FAM120B: variants seen among roughly 807,000 people sequenced by gnomAD.
FAM120B encodes family with sequence similarity 120 member B.
FAM120B carries 83 observed loss-of-function variants against 96.3 expected under a neutral mutation model. The ratio of observed to expected loss-of-function variants is 0.86; its 90% CI spans 0.72 to 1.03. The LOEUF is 1.03. Ranked by LOEUF, FAM120B falls within the 50% of genes least tolerant of loss-of-function variation. FAM120B has a pLI of 0.00. For missense variants in FAM120B, 1,027 were observed against 1,121.2 expected, an observed-to-expected ratio of 0.92 and a Z score of 1.20; for synonymous variants, 407 against 402.7, an observed-to-expected ratio of 1.01 and a Z score of -0.13.
At chr6:170,349,135 T>TG (rs1787413289) in intron 5 of FAM120B, among the ~76,000 whole-genome samples, 1 of 152,220 alleles carries the variant, frequency 6.6e-6, no homozygotes, top group African/African-American at 2.4e-5. Flanking sequence ...CCTCTTTCTC[T>TG]GCTTTGCTCC....
intron 4 of FAM120B, among the ~76,000 whole-genome samples, chr6:170,345,115 G>A (rs1056460912): frequency 1.3e-5 from 2 of 152,184 alleles, no homozygotes; most frequent in Admixed American, 1.3e-4. Context: ...GTGATTGGTT[G>A]GATGCTTGGG....
intron 4 of FAM120B, among the ~76,000 whole-genome samples, chr6:170,333,843 C>T (rs576908466): frequency 6.6e-6 from 1 of 152,298 alleles, no homozygotes; most frequent in East Asian, 1.9e-4. Context: ...ATATATACTA[C>T]ATTTCATTTC....
chr6:170,386,812 G>T (rs1300655117), intron 6 of FAM120B, among the ~76,000 whole-genome samples: 1 of 152,154 alleles, frequency 6.6e-6, no homozygotes, highest in Non-Finnish European at 1.5e-5. Flanking sequence ...AGAAATTTAG[G>T]CCATTCTGTT....
chr6:170,361,610 GT>G (rs1788464427), intron 6 of FAM120B, among the ~76,000 whole-genome samples: 1 of 152,036 alleles, frequency 6.6e-6, no homozygotes, highest in South Asian at 2.1e-4. Flanking sequence ...CCAGTTATGT[GT>G]TTGCCAGTTT....
At chr6:170,332,463 C>T (rs145073639) in intron 4 of FAM120B, among the ~76,000 whole-genome samples, 1 of 152,112 alleles carries the variant, frequency 6.6e-6, no homozygotes, top group Non-Finnish European at 1.5e-5. Context: ...TTTGGGAGGC[C>T]GTGGCAGATG....
upstream of FAM120B, among the ~76,000 whole-genome samples, chr6:170,304,448 C>G (rs1784209664): frequency 6.6e-6 from 1 of 152,188 alleles, no homozygotes; most frequent in Non-Finnish European, 1.5e-5. Flanking sequence ...CTGCTGGGCC[C>G]TTTCGATACG....
Position 170,404,534 on chromosome 6 carries a change from T to C in FAM120B, c.2693-16T>C, listed in dbSNP as rs370520438. 57 of 1,612,950 alleles carry C rather than the reference T, an allele frequency of 3.5e-5. No homozygotes were observed. In the African/African-American group the frequency reaches 6.8e-4, roughly 19 times the overall value. The stretch of plus-strand genomic sequence containing the variant: ...GATTTAATTCTTACTTTGGTTTTCA[T>C]GTCTGTTTACTGCAGGAAGCAGACA... On this transcript the variant is annotated splice_polypyrimidine_tract_variant and intron_variant, in intron 9 of 10. Transcript: ENST00000476287.
intron 4 of FAM120B, among the ~76,000 whole-genome samples, chr6:170,345,061 G>A (rs979931424): frequency 2.6e-5 from 4 of 152,230 alleles, no homozygotes; most frequent in Non-Finnish European, 5.9e-5. Flanking sequence ...GGGGCAGACA[G>A]TGAGTCATTT....
intron 2 of FAM120B, among the ~76,000 whole-genome samples, chr6:170,320,888 C>T (rs2115033375): frequency 6.6e-6 from 1 of 152,274 alleles, no homozygotes; most frequent in East Asian, 1.9e-4. Flanking sequence ...AAGAAACGGT[C>T]AGGAGTATCA....
chr6:170,343,103 G>A (rs910425), intron 4 of FAM120B, among the ~76,000 whole-genome samples: 59,608 of 152,076 alleles, frequency 0.39, 12,289 homozygotes, highest in Middle Eastern at 0.47. Context: ...ATTCTTTTTA[G>A]AGAGTGTACC....
At chr6:170,372,382 G>A (rs527934024) in intron 6 of FAM120B, among the ~76,000 whole-genome samples, 3 of 113,906 alleles carry the variant, frequency 2.6e-5, no homozygotes, top group South Asian at 3.0e-4. Flanking sequence ...TTTGACTAAC[G>A]TAAATTATTC....
chr6:170,365,244 A>C (rs933734624), intron 6 of FAM120B, among the ~76,000 whole-genome samples: 1 of 152,240 alleles, frequency 6.6e-6, no homozygotes, highest in Admixed American at 6.5e-5. Flanking sequence ...AAAATGTCAT[A>C]AACCAAGGCT....
Position 170,404,750 on chromosome 6 carries a change from T to G in FAM120B, c.*12-13T>G. ...GAGTTAACTTGGTTTCAAAACACTC[T>G]TGCTTCCTCCAGAAAGAGTATGGAG... On this transcript the variant is annotated splice_polypyrimidine_tract_variant and intron_variant, in intron 10 of 10. Transcript: ENST00000476287. 1.5e-6 allele frequency: 1 copy of G among 657,428 alleles called. No homozygotes were observed. The allele number at this position is 657,428 out of a possible 1,614,324, so 40.7% of individuals were successfully genotyped here.
At chr6:170,373,451 A>G (rs558740558) in intron 6 of FAM120B, among the ~76,000 whole-genome samples, 16 of 152,262 alleles carry the variant, frequency 1.1e-4, no homozygotes, top group African/African-American at 3.9e-4. Flanking sequence ...TCACCAGGTG[A>G]CTTTCTCTGT....
intron 4 of FAM120B, among the ~76,000 whole-genome samples, chr6:170,335,866 G>A (rs1444181931): frequency 6.6e-6 from 1 of 152,168 alleles, no homozygotes. Flanking sequence ...TTTGAGAAGT[G>A]TCTGTTCATA....
intron 9 of FAM120B, among the ~76,000 whole-genome samples, chr6:170,398,042 G>C (rs370407771): frequency 8.5e-5 from 13 of 152,094 alleles, no homozygotes; most frequent in East Asian, 3.9e-4. Flanking sequence ...GGATAGTCAA[G>C]AGAGTCCACA....
At chr6:170,391,805 C>T (rs999494960) in intron 8 of FAM120B, among the ~76,000 whole-genome samples, 3 of 152,088 alleles carry the variant, frequency 2.0e-5, no homozygotes, top group Admixed American at 2.0e-4. Context: ...TATACATGGC[C>T]TTTAATTCTA....
chr6:170,323,783 G>A (rs1238795614), intron 3 of FAM120B, among the ~76,000 whole-genome samples: 3 of 152,018 alleles, frequency 2.0e-5, no homozygotes, highest in Admixed American at 6.5e-5. Flanking sequence ...AGTAGAGAGC[G>A]GACCATCAAG....
At chr6:170,391,174 C>T in intron 8 of FAM120B, 53 bp downstream of exon 8, 1 of 1,193,388 alleles carries the variant, frequency 8.4e-7, no homozygotes, top group Non-Finnish European at 1.2e-6. Context: ...ACCCTAACTG[C>T]TTCCTGAGTT....
Sources: allele counts gnomAD v4.1 joint callset (sites outside exome capture counted in the v4.1 genomes callset), GRCh38; gene constraint gnomAD v4.1.1; transcripts MANE v1.5; gene names NCBI Gene and HGNC (gene_info 2026-07-23, HGNC 2026-07-21).